CREBBP: variants seen among roughly 807,000 people sequenced by gnomAD.
The protein encoded by CREBBP is CREB-binding protein.
Under a neutral mutation model 265.0 loss-of-function variants are expected in CREBBP, and 19 were observed. The observed-to-expected ratio is 0.07, with a 90% CI of 0.05 to 0.11. The LOEUF (loss-of-function observed/expected upper bound fraction) is 0.11, where lower values mean the gene tolerates loss of function less well. CREBBP is among the 10% of genes least tolerant of loss of function. CREBBP has a pLI of 1.00. For missense variants in CREBBP, 2,525 were observed against 3,219.0 expected (o/e 0.78, Z 5.22); for synonymous variants, 1,457 against 1,223.7 (o/e 1.19, Z -3.98).
intron 1 of CREBBP, 138 bp downstream of exon 1, chr16:3,879,694 G>C: frequency 2.1e-6 from 2 of 933,308 alleles, no homozygotes; most frequent in Non-Finnish European, 3.4e-6. Context: ...TCCCGCGCGG[G>C]GCGAGGGGAA....
At chr16:3,737,111 T>C (rs1485836113) in intron 26 of CREBBP, 1 of 502,146 alleles carries the variant, frequency 2.0e-6, no homozygotes, top group Non-Finnish European at 3.6e-6. Flanking sequence ...TGATGGCTCA[T>C]CAAGGCAATG....
rs1335556099 is a variant in CREBBP, at chr16:3,880,467, C to G, written c.-551G>C. 3 of 145,062 alleles carry G rather than the reference C, an allele frequency of 2.1e-5. No individual in the cohort carries two copies. Among genetic ancestry groups the G allele is most frequent in the African/African-American group, 5.0e-5 (2 of 40,230 alleles). The allele number at this position is 145,062 out of a possible 1,614,324, so 9.0% of individuals were successfully genotyped here. A position where few individuals can be genotyped will look rare whatever the true frequency, so the allele number is the denominator to read the frequency against. On this transcript the variant is annotated 5_prime_UTR_variant, in exon 1 of 31. Coordinates refer to ENST00000262367, the MANE Select transcript of CREBBP (RefSeq NM_004380.3). ...AGCGGGGTCGCCGCCGCCGCCGCGG[C>G]CCCCCCACCCCCCGTTCCGCCGCCG...
chr16:3,864,197 T>C (rs571762529), intron 1 of CREBBP, among the ~76,000 whole-genome samples: 3 of 152,278 alleles, frequency 2.0e-5, no homozygotes, highest in South Asian at 2.1e-4. Context: ...TGCTGTGAGA[T>C]GTAGCTGGCA....
At chr16:3,765,711 G>A (rs772914975) in intron 16 of CREBBP, among the ~76,000 whole-genome samples, 8 of 152,150 alleles carry the variant, frequency 5.3e-5, no homozygotes, top group African/African-American at 1.7e-4. Context: ...ACAGTGACAT[G>A]ATCAAGGCTC....
Position 3,731,876 on chromosome 16 carries a change from T to C in CREBBP, c.4790A>G (p.Lys1597Arg). 6.2e-7 allele frequency: 1 copy of C among 1,614,266 alleles called. No homozygotes were observed. Among genetic ancestry groups the C allele is most frequent in the Non-Finnish European group, 8.5e-7 (1 of 1,180,042 alleles). ...CTTGTTGGCGCGGCTGATGCTGCTT[T>C]TGTTCTTGTTGGTTTTCTTGTTGTT... is the stretch of plus-strand genomic sequence containing the variant. Reference protein sequence around the residue: ...KKNNKKTNKNKSSISRANKKK... With the variant: ...KKNNKKTNKNRSSISRANKKK... Residue 1597 changes from lysine to arginine, a missense_variant, in exon 29 of 31, where the codon AAA (lysine) becomes AGA (arginine). By Grantham distance (26) the Lys-to-Arg change is conservative (BLOSUM62 2). This residue lies in a region of CREBBP where 93 missense variants were observed against 161.5 expected (regional missense o/e 0.58). Transcript: ENST00000262367. This position sits in a 1 kb window ranked among gnomAD's most constrained non-coding sequence, Gnocchi z 7.7.
At chr16:3,733,347 G>T (rs1388079338) in intron 28 of CREBBP, among the ~76,000 whole-genome samples, 1 of 143,980 alleles carries the variant, frequency 6.9e-6, no homozygotes, top group African/African-American at 2.7e-5. Flanking sequence ...GGGCGACAGA[G>T]CGAGACTCCA....
At position 3,726,421 on chromosome 16, in the gene CREBBP, TCAGTCGCCCACCTCA is replaced by T. The variant is rs2051747657; in HGVS notation, c.*1282_*1296del. The stretch of plus-strand genomic sequence containing the variant: ...TGGGGCCAACGCTGAGCCGCCCACC[TCAGTCGCCCACCTCA>T]GTCTCCGGGAAGAAAAGCCTCCGGG... On this transcript the variant is annotated 3_prime_UTR_variant, in exon 31 of 31. Transcript: ENST00000262367. 2.3e-3 allele frequency: 1 copy of T among 436 alleles called. No homozygotes were observed. Among genetic ancestry groups the T allele is most frequent in the Non-Finnish European group, 6.9e-3 (1 of 144 alleles). 0.0% of individuals were successfully genotyped at this position (436 alleles called of 1,614,324 possible).
chr16:3,849,431 GTGTGTGTGT>G lies in CREBBP; in HGVS notation c.798+857_798+865del, dbSNP rs2054753112. On this transcript the variant is annotated intron_variant, in intron 2 of 30. Transcript: ENST00000262367. ...TGTGTGTGTGTGTGTGTGTGTGTGT[GTGTGTGTGT>G]GTGTGTGTGTGTGTGTGTGTGTGTG... Among the ~76,000 whole-genome samples, 91 of 14,488 alleles carry G rather than the reference GTGTGTGTGT, an allele frequency of 6.3e-3. 3 individuals are homozygous for G. Among genetic ancestry groups the G allele is most frequent in the Middle Eastern group, 0.05 (1 of 20 alleles). The allele number at this position is 14,488 out of a possible 152,430, so 9.5% of individuals were successfully genotyped here. A position where few individuals can be genotyped will look rare whatever the true frequency, so the allele number is the denominator to read the frequency against.
At chr16:3,842,967 C>CAAA (rs59990532) in intron 2 of CREBBP, among the ~76,000 whole-genome samples, 49 of 65,212 alleles carry the variant, frequency 7.5e-4, no homozygotes, top group African/African-American at 2.8e-3. Context: ...ACTCCCATCT[C>CAAA]AAAAAAAAAA....
intron 23 of CREBBP, among the ~76,000 whole-genome samples, 179 bp downstream of exon 23, chr16:3,744,715 C>T (rs2052298920): frequency 6.6e-6 from 1 of 152,156 alleles, no homozygotes; most frequent in African/African-American, 2.4e-5. Context: ...CATGACTGGC[C>T]TGGCTCTCCT....
At chr16:3,836,537 G>A (rs577724798) in intron 2 of CREBBP, among the ~76,000 whole-genome samples, 2 of 152,232 alleles carry the variant, frequency 1.3e-5, no homozygotes, top group Middle Eastern at 3.4e-3. Context: ...AACTTTCTGG[G>A]CTAAGAGAAA....
chr16:3,749,355 A>C (rs1437476041), intron 21 of CREBBP, among the ~76,000 whole-genome samples: 1 of 152,246 alleles, frequency 6.6e-6, no homozygotes, highest in Non-Finnish European at 1.5e-5. Context: ...AAAGACACCC[A>C]TGACCAAATT....
At chr16:3,797,805 T>C (rs773033308) in intron 3 of CREBBP, among the ~76,000 whole-genome samples, 27 of 151,112 alleles carry the variant, frequency 1.8e-4, no homozygotes, top group Non-Finnish European at 3.1e-4. Flanking sequence ...TGAACTAAAG[T>C]GAATAAAAAT....
At chr16:3,744,221 G>C (rs1295116748) in intron 23 of CREBBP, among the ~76,000 whole-genome samples, 3 of 152,176 alleles carry the variant, frequency 2.0e-5, no homozygotes, top group Non-Finnish European at 4.4e-5. Flanking sequence ...TCCTGGGGTG[G>C]TGGCTGGTTC....
In CREBBP at chr16:3,725,616, CA is replaced by C. The variant is rs2051722038; in HGVS notation, c.*2101del. The C allele has an allele frequency of 4.3e-6, 1 of 233,210 alleles. No homozygotes were observed. The highest frequency in any genetic ancestry group is 2.2e-5 in the African/African-American group (1 of 45,350). 14.4% of individuals were successfully genotyped at this position (233,210 alleles called of 1,614,324 possible). A position where few individuals can be genotyped will look rare whatever the true frequency, so the allele number is the denominator to read the frequency against. Reference sequence around the variant, plus strand: ...TGGGATGGGGTGAATGGGGGCTGGTCAGGGGTGCCAGATGGTGGTCTTATTT... The same window carrying C: ...TGGGATGGGGTGAATGGGGGCTGGTCGGGGTGCCAGATGGTGGTCTTATTT... On this transcript the variant is annotated 3_prime_UTR_variant, in exon 31 of 31. Coordinates refer to ENST00000262367, the MANE Select transcript of CREBBP (RefSeq NM_004380.3).
At chr16:3,813,682 T>C (rs1034908973) in intron 2 of CREBBP, among the ~76,000 whole-genome samples, 14 of 152,208 alleles carry the variant, frequency 9.2e-5, no homozygotes, top group African/African-American at 3.4e-4. Context: ...CCTCGATCAA[T>C]TCATCCTCGA....
At chr16:3,803,045 T>G (rs908333637) in intron 3 of CREBBP, among the ~76,000 whole-genome samples, 2 of 151,858 alleles carry the variant, frequency 1.3e-5, no homozygotes, top group Admixed American at 1.3e-4. Flanking sequence ...GCTGCCAACC[T>G]GGGAAGAAGC....
At chr16:3,773,723 G>A (rs2053068308) in intron 13 of CREBBP, 28 bp downstream of exon 13, 6 of 1,610,744 alleles carry the variant, frequency 3.7e-6, no homozygotes, top group South Asian at 3.3e-5. Flanking sequence ...ATTTCCTAGG[G>A]AGCCACGGTC....
At chr16:3,762,210 G>C (rs2052735978) in intron 16 of CREBBP, among the ~76,000 whole-genome samples, 1 of 152,164 alleles carries the variant, frequency 6.6e-6, no homozygotes, top group South Asian at 2.1e-4. Context: ...TGGATCACTG[G>C]GCCTCTGCAC....
Sources: gnomAD v4.1 joint callset for allele counts (sites outside exome capture counted in the v4.1 genomes callset) on GRCh38, gnomAD v4.1.1 for gene constraint, gnomAD v4.1.1 regional missense constraint, Gnocchi (gnomAD v3.1) non-coding constraint, MANE v1.5 for transcripts, NCBI Gene and HGNC (gene_info 2026-07-23, HGNC 2026-07-21) for gene names.